Variants in GRM5 observed in about 807,000 individuals in gnomAD.
GRM5 encodes metabotropic glutamate receptor 5.
Under a neutral mutation model 83.1 loss-of-function variants are expected in GRM5, and 19 were observed. That is an observed-to-expected ratio of 0.23 (90% CI 0.16 to 0.34). The LOEUF is 0.34. GRM5 is among the 10% of genes least tolerant of loss of function. GRM5 has a pLI of 1.00. For synonymous variants in GRM5, 675 were observed against 633.6 expected, an observed-to-expected ratio of 1.07 and a Z score of -0.98; for missense variants, 1,160 against 1,588.3, an observed-to-expected ratio of 0.73 and a Z score of 4.58.
intron 3 of GRM5, among the ~76,000 whole-genome samples, chr11:88,720,820 GC>G (rs1941519104): frequency 8.6e-6 from 1 of 116,488 alleles, no homozygotes; most frequent in Non-Finnish European, 1.7e-5. Flanking sequence ...GTGTGTGTGT[GC>G]GTGTGTGTGT....
chr11:88,661,134 C>T (rs1464554777), intron 3 of GRM5, among the ~76,000 whole-genome samples: 1 of 152,044 alleles, frequency 6.6e-6, no homozygotes, highest in Non-Finnish European at 1.5e-5. Flanking sequence ...ATTTTTGCTT[C>T]CCCAAAGTAG....
chr11:88,909,245 C>A (rs966716922), intron 2 of GRM5, among the ~76,000 whole-genome samples: 8 of 151,990 alleles, frequency 5.3e-5, no homozygotes, highest in Non-Finnish European at 1.2e-4. Flanking sequence ...GTTTCTCTAG[C>A]CAAACAACAT....
chr11:88,651,911 G>A (rs1319124235), intron 4 of GRM5, among the ~76,000 whole-genome samples: 2 of 151,968 alleles, frequency 1.3e-5, no homozygotes, highest in Non-Finnish European at 1.5e-5. Flanking sequence ...AGAACAAACT[G>A]ATACCAGAAA....
chr11:88,798,040 G>A (rs1943315559), intron 3 of GRM5, among the ~76,000 whole-genome samples: 1 of 152,022 alleles, frequency 6.6e-6, no homozygotes, highest in Admixed American at 6.6e-5. Flanking sequence ...CTCACTGACT[G>A]GAATCTCATG....
intron 2 of GRM5, among the ~76,000 whole-genome samples, chr11:89,023,174 T>C (rs1331090023): frequency 4.8e-4 from 72 of 149,836 alleles, no homozygotes; most frequent in Non-Finnish European, 8.2e-4. Context: ...TGCGCGCGCG[T>C]GCACATGTGC....
chr11:88,844,680 G>T (rs1345585371), intron 3 of GRM5, among the ~76,000 whole-genome samples: 1 of 152,184 alleles, frequency 6.6e-6, no homozygotes. Context: ...CATTCTAGGT[G>T]TCATTAAGAA....
At position 88,987,058 on chromosome 11, in the gene GRM5, G is replaced by T. The variant is rs193136054; in HGVS notation, c.661+60154C>A. On this transcript the variant is annotated intron_variant, in intron 2 of 9. Transcript: ENST00000305447. ...GGTCTACAGCTCCCAGCGTGAGCAA[G>T]GCAGAAGACGGGTGATTTCTGCATT... is the stretch of plus-strand genomic sequence containing the variant. Among the ~76,000 whole-genome samples, 15 of 152,076 alleles carry T rather than the reference G, an allele frequency of 9.9e-5. No individual in the cohort carries two copies. The East Asian group carries it at 2.7e-3, about 28-fold the overall frequency.
chr11:89,013,048 A>G (rs1177670898), intron 2 of GRM5, among the ~76,000 whole-genome samples: 1 of 152,216 alleles, frequency 6.6e-6, no homozygotes, highest in Non-Finnish European at 1.5e-5. Context: ...CAAATTTTTT[A>G]TGATCTATTT....
intron 3 of GRM5, among the ~76,000 whole-genome samples, chr11:88,821,237 G>C (rs1375955497): frequency 6.7e-6 from 1 of 150,272 alleles, no homozygotes; most frequent in African/African-American, 2.5e-5. Flanking sequence ...TGAAAGCAGA[G>C]AATTTGGGCT....
At chr11:88,521,844 G>A (rs975045464) in intron 9 of GRM5, among the ~76,000 whole-genome samples, 2 of 152,178 alleles carry the variant, frequency 1.3e-5, no homozygotes, top group East Asian at 1.9e-4. Flanking sequence ...AGAAGTAAAG[G>A]AGCATCTGTC....
rs1296100329 is a variant in GRM5 at position 88,700,404 on chromosome 11, T to A, written c.912-47001A>T. ...GATCTGAAAGCATGGGATCTCATTC[T>A]TCAGAATTGATATAGTTACTGCCAC... On this transcript the variant is annotated intron_variant, in intron 3 of 9. Transcript: ENST00000305447. 2.6e-5 allele frequency among the ~76,000 whole-genome samples: 4 copies of A among 152,244 alleles called. No homozygotes were observed. The East Asian group carries it at 7.7e-4, about 29-fold the overall frequency.
chr11:88,719,424 T>C (rs937316365), intron 3 of GRM5, among the ~76,000 whole-genome samples: 1 of 152,108 alleles, frequency 6.6e-6, no homozygotes, highest in Admixed American at 6.6e-5. Flanking sequence ...TATAATTACA[T>C]GGTGTATATG....
intron 7 of GRM5, among the ~76,000 whole-genome samples, chr11:88,579,161 T>C (rs746170935): frequency 1.3e-5 from 2 of 152,134 alleles, no homozygotes; most frequent in African/African-American, 2.4e-5. Context: ...TCCAACCTTT[T>C]TGAGCTGTCA....
chr11:88,511,755 C>G (rs1455102377), intron 9 of GRM5: 1 of 152,210 alleles, frequency 6.6e-6, no homozygotes, highest in African/African-American at 2.4e-5. Context: ...TCCCAGGTGT[C>G]CACTAGCTTC....
At chr11:88,784,470 A>G (rs957623846) in intron 3 of GRM5, among the ~76,000 whole-genome samples, 1 of 151,974 alleles carries the variant, frequency 6.6e-6, no homozygotes, top group Non-Finnish European at 1.5e-5. Context: ...CATGCAAGTA[A>G]TTTTCTTTGA....
chr11:88,766,506 A>G (rs1459631679), intron 3 of GRM5, among the ~76,000 whole-genome samples: 1 of 151,690 alleles, frequency 6.6e-6, no homozygotes, highest in Admixed American at 6.6e-5. Context: ...AGCCATATGC[A>G]GAAGATTGAA....
At chr11:88,814,199 G>T (rs927971701) in intron 3 of GRM5, among the ~76,000 whole-genome samples, 1 of 152,126 alleles carries the variant, frequency 6.6e-6, no homozygotes. Context: ...TGAGAAATGA[G>T]AAACAAACAA....
intron 3 of GRM5, among the ~76,000 whole-genome samples, chr11:88,847,741 T>TA (rs1033001072): frequency 1.3e-5 from 2 of 152,060 alleles, no homozygotes; most frequent in African/African-American, 4.8e-5. Context: ...AATGTGGGGA[T>TA]AAAAAAAATC....
chr11:89,059,784 A>T (rs1291273790), intron 1 of GRM5, among the ~76,000 whole-genome samples: 1 of 151,930 alleles, frequency 6.6e-6, no homozygotes, highest in Non-Finnish European at 1.5e-5. Flanking sequence ...TTTTCTCTTT[A>T]TGTCTTCTAA....
Sources: gnomAD v4.1 joint callset for allele counts (sites outside exome capture counted in the v4.1 genomes callset) on GRCh38, gnomAD v4.1.1 for gene constraint, MANE v1.5 for transcripts, NCBI Gene and HGNC (gene_info 2026-07-23, HGNC 2026-07-21) for gene names.